The following BCAP29 variants were observed in gnomAD, a reference collection of about 807,000 sequenced individuals.
BCAP29 encodes the protein B cell receptor associated protein 29, also known as B-cell receptor-associated protein 29.
A neutral mutation model predicts 31.8 loss-of-function variants in BCAP29; 34 were observed. The observed-to-expected ratio is 1.07, with a 90% CI of 0.81 to 1.42. BCAP29 has a LOEUF of 1.42. BCAP29 is among the 40% of genes most tolerant of loss of function. The pLI is 0.00. For synonymous variants in BCAP29, 104 were observed against 91.3 expected (o/e 1.14, Z -0.79); for missense variants, 314 against 269.2 (o/e 1.17, Z -1.16).
intron 4 of BCAP29, among the ~76,000 whole-genome samples, chr7:107,595,300 G>A (rs546016706): frequency 6.6e-6 from 1 of 152,320 alleles, no homozygotes; most frequent in East Asian, 1.9e-4. Flanking sequence ...ACAACTAGGA[G>A]CTAAACCCCT....
In BCAP29 at chr7:107,598,433, C is replaced by T. The variant is rs764345111; in HGVS notation, c.481-1964C>T. ...AGTCCTTGGGATTATATAATATATGCATTAGAGCTTTAATTCCTTCTCTGA... is the reference window on the plus strand; with the variant it reads ...AGTCCTTGGGATTATATAATATATGTATTAGAGCTTTAATTCCTTCTCTGA... On this transcript the variant is annotated intron_variant, in intron 5 of 7. Transcript: ENST00000005259. Among the ~76,000 whole-genome samples, 11 of 152,248 alleles carry T rather than the reference C, an allele frequency of 7.2e-5. No individual in the cohort carries two copies. In the Middle Eastern group the frequency reaches 0.01, roughly 141 times the overall value.
At chr7:107,602,674 G>A (rs967375029) in intron 6 of BCAP29, among the ~76,000 whole-genome samples, 9 of 151,890 alleles carry the variant, frequency 5.9e-5, no homozygotes, top group South Asian at 2.1e-4. Context: ...GAAACAAAAC[G>A]TAAATACAAA....
chr7:107,620,124 C>A lies in BCAP29; in HGVS notation c.*1761C>A, dbSNP rs1435012813. On this transcript the variant is annotated 3_prime_UTR_variant, in exon 8 of 8. Transcript: ENST00000005259. The stretch of plus-strand genomic sequence containing the variant: ...CATTTTAAAGTTTACATTTAAGGGA[C>A]CTTGGACCTCAACCCTCTCAAGTTT... 1 of 152,120 alleles carries A rather than the reference C, an allele frequency of 6.6e-6. No individual in the cohort carries two copies. The highest frequency in any genetic ancestry group is 1.5e-5 in the Non-Finnish European group (1 of 68,028). The allele number at this position is 152,120 out of a possible 1,614,324, so 9.4% of individuals were successfully genotyped here. A position where few individuals can be genotyped will look rare whatever the true frequency, so the allele number is the denominator to read the frequency against.
At chr7:107,585,488 C>T (rs1045766463) in intron 3 of BCAP29, among the ~76,000 whole-genome samples, 8 of 152,224 alleles carry the variant, frequency 5.3e-5, no homozygotes, top group Admixed American at 3.9e-4. Flanking sequence ...AGTTCTGCCA[C>T]CAGCTAACTA....
rs146555067 is a variant in BCAP29, at chr7:107,595,857, T to G, written c.345-10T>G. On this transcript the variant is annotated splice_polypyrimidine_tract_variant and intron_variant, in intron 4 of 7. Coordinates refer to ENST00000005259, the MANE Select transcript of BCAP29 (RefSeq NM_018844.4). ...GGCCAGTAATACATTATTCTGGTTT[T>G]TTTTCTTAGAGTTTTGAGACGTCTG... 5.3e-3 allele frequency: 8,510 copies of G among 1,591,820 alleles called. 38 individuals are homozygous for G. Among genetic ancestry groups the G allele is most frequent in the Non-Finnish European group, 6.5e-3 (7,639 of 1,174,292 alleles).
chr7:107,614,334 A>C (rs143980651), intron 7 of BCAP29, among the ~76,000 whole-genome samples: 1 of 152,326 alleles, frequency 6.6e-6, no homozygotes, highest in African/African-American at 2.4e-5. Flanking sequence ...CCTACTTGGA[A>C]TACCTACCTA....
chr7:107,612,408 TATATATATATATATATATATATATATATA>T (rs1813320515), intron 6 of BCAP29, among the ~76,000 whole-genome samples: 1 of 35,240 alleles, frequency 2.8e-5, no homozygotes, highest in Admixed American at 3.7e-4. Flanking sequence ...TATATATATA[TATATATATATATATATATATATATATATA>T]TATTTATTTT....
intron 3 of BCAP29, among the ~76,000 whole-genome samples, chr7:107,586,097 C>A (rs894819807): frequency 6.6e-6 from 1 of 152,080 alleles, no homozygotes; most frequent in African/African-American, 2.4e-5. Flanking sequence ...AAGCCAAATT[C>A]CAGGGAGGGA....
In BCAP29 at chr7:107,594,109, AG is replaced by A. The variant is rs770998926; in HGVS notation, c.344+5del. 6.3e-7 allele frequency: 1 copy of A among 1,594,782 alleles called. No individual in the cohort carries two copies. Among genetic ancestry groups the A allele is most frequent in the Non-Finnish European group, 8.6e-7 (1 of 1,164,536 alleles). ...GATTTTCCCTATTTTTTTGGCTGTA[AG>A]TAAAAAATAATAATAGAAGCACAAT... is the stretch of plus-strand genomic sequence containing the variant. On this transcript the variant is annotated splice_donor_5th_base_variant and intron_variant, in intron 4 of 7. Coordinates refer to ENST00000005259, the MANE Select transcript of BCAP29 (RefSeq NM_018844.4).
Position 107,618,625 on chromosome 7 carries a change from TGGC to T in BCAP29, c.*263_*265del. The T allele has an allele frequency of 6.7e-7, 1 of 1,500,636 alleles. No individual in the cohort carries two copies. The highest frequency in any genetic ancestry group is 9.0e-7 in the Non-Finnish European group (1 of 1,114,660). 93.0% of individuals were successfully genotyped at this position (1,500,636 alleles called of 1,614,324 possible). ...TATTGATAATGTCATTGGTATATGG[TGGC>T]TGTTTACCAATAAAAGGAAAAAATT... On this transcript the variant is annotated 3_prime_UTR_variant, in exon 8 of 8. Coordinates refer to ENST00000005259, the MANE Select transcript of BCAP29 (RefSeq NM_018844.4).
At chr7:107,584,545 C>T (rs963076118) in intron 3 of BCAP29, among the ~76,000 whole-genome samples, 1 of 152,014 alleles carries the variant, frequency 6.6e-6, no homozygotes, top group Non-Finnish European at 1.5e-5. Flanking sequence ...CTTATCTTTA[C>T]AAAAATGTAA....
intron 3 of BCAP29, among the ~76,000 whole-genome samples, chr7:107,586,518 A>G (rs1378916741): frequency 6.6e-6 from 1 of 152,128 alleles, no homozygotes; most frequent in African/African-American, 2.4e-5. Flanking sequence ...TGGAGTAATG[A>G]CACCTACTTT....
chr7:107,595,506 T>C (rs569957219), intron 4 of BCAP29, among the ~76,000 whole-genome samples: 2 of 152,326 alleles, frequency 1.3e-5, no homozygotes, highest in East Asian at 3.9e-4. Context: ...CCTTACACAA[T>C]GTTCCTTAAA....
rs1318522124 is a variant in BCAP29 at position 107,583,129 on chromosome 7, G to T, written c.93-753G>T. Among the ~76,000 whole-genome samples the T allele has an allele frequency of 2.6e-5, 4 of 151,830 alleles. 1 individual carries two copies. The highest frequency in any genetic ancestry group is 6.6e-5 in the Admixed American group (1 of 15,252). On this transcript the variant is annotated intron_variant, in intron 2 of 7. Coordinates refer to ENST00000005259, the MANE Select transcript of BCAP29 (RefSeq NM_018844.4). ...AGTGTTACTCATTTAAATTGCCCTTGTACAAAGTTTGTTACCTTTCCTATT... is the reference window on the plus strand; with the variant it reads ...AGTGTTACTCATTTAAATTGCCCTTTTACAAAGTTTGTTACCTTTCCTATT...
rs1333741619 is a variant in BCAP29 at position 107,618,483 on chromosome 7, C to T, written c.*120C>T. On this transcript the variant is annotated 3_prime_UTR_variant, in exon 8 of 8. Coordinates refer to ENST00000005259, the MANE Select transcript of BCAP29 (RefSeq NM_018844.4). ...CCGGTTCGTAATTTTTTTAATGCCACACATAGGTTGTATTGTAATGGCATT... is the reference window on the plus strand; with the variant it reads ...CCGGTTCGTAATTTTTTTAATGCCATACATAGGTTGTATTGTAATGGCATT... 1.2e-6 allele frequency: 2 copies of T among 1,612,594 alleles called. No homozygotes were observed. The highest frequency in any genetic ancestry group is 4.5e-5 in the East Asian group (2 of 44,714).
chr7:107,618,663 G>A lies in BCAP29; in HGVS notation c.*300G>A. 1 of 1,338,720 alleles carries A rather than the reference G, an allele frequency of 7.5e-7. No individual in the cohort carries two copies. Among genetic ancestry groups the A allele is most frequent in the Non-Finnish European group, 1.0e-6 (1 of 990,046 alleles). The allele number at this position is 1,338,720 out of a possible 1,614,324, so 82.9% of individuals were successfully genotyped here. On this transcript the variant is annotated 3_prime_UTR_variant, in exon 8 of 8. Transcript: ENST00000005259. ...ATAAAAGGAAAAAATTCATTAACCG[G>A]TTGCTTCCAAAATTAGAAGTTTTAA...
At chr7:107,593,917 A>C in intron 3 of BCAP29, 38 bp from the exon 4 acceptor site, 1 of 1,548,730 alleles carries the variant, frequency 6.5e-7, no homozygotes, top group Non-Finnish European at 8.7e-7. Context: ...TTATATTCGT[A>C]AAAGCCAAAA....
intron 7 of BCAP29, among the ~76,000 whole-genome samples, chr7:107,614,521 A>C (rs959183421): frequency 3.9e-5 from 6 of 152,222 alleles, no homozygotes; most frequent in African/African-American, 1.2e-4. Context: ...GTAAACACTC[A>C]AGAAATGATA....
At chr7:107,586,768 C>T (rs1177312238) in intron 3 of BCAP29, among the ~76,000 whole-genome samples, 1 of 146,696 alleles carries the variant, frequency 6.8e-6, no homozygotes, top group Non-Finnish European at 1.5e-5. Flanking sequence ...CACTCTGTCA[C>T]CAAGGCTGAA....
Sources: gnomAD v4.1 joint callset for allele counts (sites outside exome capture counted in the v4.1 genomes callset) on GRCh38, gnomAD v4.1.1 for gene constraint, MANE v1.5 for transcripts, NCBI Gene and HGNC (gene_info 2026-07-23, HGNC 2026-07-21) for gene names.